The following VPS45 variants were observed in gnomAD, a reference collection of about 807,000 sequenced individuals.
The protein encoded by VPS45 is vacuolar protein sorting 45 homolog, also known as vacuolar protein sorting-associated protein 45.
Under a neutral mutation model 75.9 loss-of-function variants are expected in VPS45, and 35 were observed. The ratio of observed to expected loss-of-function variants is 0.46; its 90% CI spans 0.35 to 0.61. The LOEUF is 0.61. VPS45 is among the 20% of genes least tolerant of loss of function. The pLI, the probability that VPS45 is intolerant of heterozygous loss-of-function variation, is 0.00. For missense variants in VPS45, 559 were observed against 685.9 expected, an observed-to-expected ratio of 0.81 and a Z score of 2.07; for synonymous variants, 220 against 238.2, an observed-to-expected ratio of 0.92 and a Z score of 0.70.
intron 14 of VPS45, among the ~76,000 whole-genome samples, chr1:150,136,147 G>A (rs1659080928): frequency 6.7e-6 from 1 of 150,354 alleles, no homozygotes; most frequent in African/African-American, 2.5e-5. Context: ...TACTAGCAGG[G>A]CTGAGGCAGG....
At chr1:150,127,669 C>G (rs1374987979) in intron 14 of VPS45, among the ~76,000 whole-genome samples, 4 of 152,162 alleles carry the variant, frequency 2.6e-5, no homozygotes, top group Non-Finnish European at 5.9e-5. Flanking sequence ...GTACCTTGTC[C>G]AAAGTCATAA....
chr1:150,140,845 T>C (rs1456288710), intron 14 of VPS45, among the ~76,000 whole-genome samples: 1 of 152,120 alleles, frequency 6.6e-6, no homozygotes, highest in Non-Finnish European at 1.5e-5. Flanking sequence ...ATTTACAAGA[T>C]ATGGAAGAAT....
chr1:150,076,715 T>C (rs1236365461), intron 4 of VPS45: 1 of 611,128 alleles, frequency 1.6e-6, no homozygotes, highest in Non-Finnish European at 2.8e-6. Flanking sequence ...GTTAGATTTA[T>C]TATTATTGCT....
intron 14 of VPS45, among the ~76,000 whole-genome samples, chr1:150,128,942 C>T (rs1320186734): frequency 3.9e-5 from 6 of 152,044 alleles, no homozygotes; most frequent in Non-Finnish European, 5.9e-5. Flanking sequence ...GGGGTTTCAC[C>T]GTGTTAGCCA....
At chr1:150,118,348 GA>G (rs1326334253) in intron 14 of VPS45, among the ~76,000 whole-genome samples, 8 of 147,214 alleles carry the variant, frequency 5.4e-5, no homozygotes, top group South Asian at 2.2e-4. Flanking sequence ...GTAGAAAAAA[GA>G]AAAAAAAATG....
At chr1:150,111,010 C>T (rs1332284202) in intron 14 of VPS45, among the ~76,000 whole-genome samples, 1 of 152,058 alleles carries the variant, frequency 6.6e-6, no homozygotes, top group Non-Finnish European at 1.5e-5. Context: ...TTTGAAAATA[C>T]TTAAACATAA....
Position 150,094,318 on chromosome 1 carries a change from G to A in VPS45, c.1493+670G>A, listed in dbSNP as rs782462069. Among the ~76,000 whole-genome samples, 27 of 151,972 alleles carry A rather than the reference G, an allele frequency of 1.8e-4. No individual in the cohort carries two copies. In the South Asian group the frequency reaches 4.2e-3, roughly 23 times the overall value. ...ATCTAAGGGGCTAACATATATACTT[G>A]AATCCTATTGGATAGATTAATGTGA... On this transcript the variant is annotated intron_variant, in intron 13 of 14. Transcript: ENST00000644510.
In VPS45 at chr1:150,077,717, G is replaced by C; in HGVS notation, c.625G>C (p.Val209Leu). The change falls in exon 7 of 15, where the codon GTT (valine) becomes CTT (leucine). Residue 209 changes from valine to leucine, a missense_variant. Coordinates refer to ENST00000644510, the MANE Select transcript of VPS45 (RefSeq NM_007259.5). ...ACTGTTTGAATTCCGTCGGACAGAG[G>C]TTCCTCCATTGCTCCTTATTTTAGA... Reference protein sequence around the residue: ...YELFEFRRTEVPPLLLILDRC... With the variant: ...YELFEFRRTELPPLLLILDRC... 6.2e-7 allele frequency: 1 copy of C among 1,613,992 alleles called. No homozygotes were observed.
chr1:150,113,025 G>T (rs1489350779), intron 14 of VPS45, among the ~76,000 whole-genome samples: 2 of 152,088 alleles, frequency 1.3e-5, no homozygotes, highest in Non-Finnish European at 2.9e-5. Flanking sequence ...ATTGGGTAGG[G>T]GTTTTTATGG....
rs1553815864 is a variant in VPS45 at position 150,143,587 on chromosome 1, C to CAA, written c.1626-1110_1626-1109dup. ...TGGGCAACAGAGCAAGACTCCGTCT[C>CAA]AAAAAAAAAAAAAGAAGATTTCAGC... On this transcript the variant is annotated intron_variant, in intron 14 of 14. Coordinates refer to ENST00000644510, the MANE Select transcript of VPS45 (RefSeq NM_007259.5). 6.9e-3 allele frequency among the ~76,000 whole-genome samples: 993 copies of CAA among 143,808 alleles called. 7 individuals are homozygous for CAA. The highest frequency in any genetic ancestry group is 0.011 in the Admixed American group (163 of 14,388). The allele number at this position is 143,808 out of a possible 152,430, so 94.3% of individuals were successfully genotyped here. A position where few individuals can be genotyped will look rare whatever the true frequency, so the allele number is the denominator to read the frequency against.
At chr1:150,114,904 T>TAAAA (rs11437363) in intron 14 of VPS45, among the ~76,000 whole-genome samples, 19 of 143,458 alleles carry the variant, frequency 1.3e-4, no homozygotes, top group Non-Finnish European at 1.7e-4. Context: ...GACCCTGTCT[T>TAAAA]AAAAAAAAAA....
chr1:150,092,470 G>A, intron 12 of VPS45, 61 bp downstream of exon 12: 1 of 1,347,828 alleles, frequency 7.4e-7, no homozygotes. Context: ...GAGGCTGAGA[G>A]TGAATGAATA....
At position 150,076,909 on chromosome 1, in the gene VPS45, T is replaced by C. The variant is rs1553798204; in HGVS notation, c.370-7T>C. On this transcript the variant is annotated splice_region_variant and splice_polypyrimidine_tract_variant and intron_variant, in intron 4 of 14. Coordinates refer to ENST00000644510, the MANE Select transcript of VPS45 (RefSeq NM_007259.5). ...TGGAATGACTATTCTTGGTGCTTTATTTGCAGGAATTTTATGGTGATTACA... is the reference window on the plus strand; with the variant it reads ...TGGAATGACTATTCTTGGTGCTTTACTTGCAGGAATTTTATGGTGATTACA... 6.2e-7 allele frequency: 1 copy of C among 1,614,000 alleles called. No individual in the cohort carries two copies.
intron 13 of VPS45, among the ~76,000 whole-genome samples, chr1:150,095,171 A>G (rs1390855418): frequency 6.6e-6 from 1 of 152,242 alleles, no homozygotes; most frequent in Non-Finnish European, 1.5e-5. Context: ...GTAAACAAGT[A>G]AACAAATGAA....
chr1:150,082,896 T>A lies in VPS45; in HGVS notation c.1104+13T>A. The A allele has an allele frequency of 6.2e-7, 1 of 1,611,088 alleles. No homozygotes were observed. Among genetic ancestry groups the A allele is most frequent in the Non-Finnish European group, 8.5e-7 (1 of 1,178,370 alleles). On this transcript the variant is annotated intron_variant, in intron 10 of 14. Transcript: ENST00000644510. ...TAGTGCTCTCCAGGTCAGTCCAATT[T>A]GATGAGCACCTACTATGTGTAAGGC...
intron 2 of VPS45, 39 bp from the exon 3 acceptor site, chr1:150,072,127 C>T (rs1655108285): frequency 6.4e-7 from 1 of 1,566,736 alleles, no homozygotes; most frequent in South Asian, 1.1e-5. Flanking sequence ...CCTTAAGCAA[C>T]TCTCCTCATA....
chr1:150,080,372 G>A (rs1655638410), intron 7 of VPS45, among the ~76,000 whole-genome samples: 1 of 151,984 alleles, frequency 6.6e-6, no homozygotes, highest in Non-Finnish European at 1.5e-5. Flanking sequence ...TCGAACTCCC[G>A]ACCTTAAGTG....
chr1:150,110,669 A>C, intron 14 of VPS45, 42 bp downstream of exon 14: 1 of 1,542,240 alleles, frequency 6.5e-7, no homozygotes, highest in South Asian at 1.2e-5. Context: ...CCTCTTTCCC[A>C]GAGGATAAAG....
At chr1:150,100,452 T>C (rs1553804005) in intron 13 of VPS45, among the ~76,000 whole-genome samples, 1 of 152,154 alleles carries the variant, frequency 6.6e-6, no homozygotes, top group Non-Finnish European at 1.5e-5. Context: ...TAACTACCAA[T>C]GACATTCTTC....
Sources: gnomAD v4.1 joint callset for allele counts (sites outside exome capture counted in the v4.1 genomes callset) on GRCh38, gnomAD v4.1.1 for gene constraint, MANE v1.5 for transcripts, NCBI Gene and HGNC (gene_info 2026-07-23, HGNC 2026-07-21) for gene names.